The following CNTN5 variants were observed in gnomAD, a reference collection of about 807,000 sequenced individuals.
CNTN5 encodes the protein contactin-5.
A neutral mutation model predicts 129.1 loss-of-function variants in CNTN5; 77 were observed. The observed-to-expected ratio is 0.60, with a 90% CI of 0.50 to 0.72. The LOEUF is 0.72. CNTN5 is among the 30% of genes least tolerant of loss of function. The pLI is 0.00. For synonymous variants in CNTN5, 509 were observed against 465.6 expected (o/e 1.09, Z -1.20); for missense variants, 1,478 against 1,328.8 (o/e 1.11, Z -1.75).
At chr11:99,036,932 C>T (rs1205445049) in intron 1 of CNTN5, among the ~76,000 whole-genome samples, 8 of 152,120 alleles carry the variant, frequency 5.3e-5, no homozygotes, top group Non-Finnish European at 8.8e-5. Flanking sequence ...CAGAAACAAA[C>T]CCATAGCAGC....
At chr11:99,412,932 C>T (rs925922134) in intron 2 of CNTN5, among the ~76,000 whole-genome samples, 1 of 152,062 alleles carries the variant, frequency 6.6e-6, no homozygotes, top group African/African-American at 2.4e-5. Context: ...GTTTTATTAC[C>T]AGAGTACATC....
At chr11:99,874,872 C>T (rs573141214) in intron 6 of CNTN5, among the ~76,000 whole-genome samples, 4 of 152,080 alleles carry the variant, frequency 2.6e-5, no homozygotes, top group African/African-American at 4.8e-5. Context: ...CCATGGGAGT[C>T]CCTTCAAGTA....
At chr11:99,787,317 A>C (rs1298707299) in intron 3 of CNTN5, among the ~76,000 whole-genome samples, 1 of 151,686 alleles carries the variant, frequency 6.6e-6, no homozygotes, top group African/African-American at 2.4e-5. Context: ...ATCATTTAAG[A>C]GACAGTGATC....
chr11:99,918,076 C>A (rs1949840703), intron 7 of CNTN5, among the ~76,000 whole-genome samples: 1 of 152,106 alleles, frequency 6.6e-6, no homozygotes, highest in South Asian at 2.1e-4. Flanking sequence ...ACCCTGATTG[C>A]AGGAGTCCTT....
intron 1 of CNTN5, among the ~76,000 whole-genome samples, chr11:99,237,613 G>A (rs1009443123): frequency 1.3e-5 from 2 of 152,034 alleles, no homozygotes; most frequent in African/African-American, 2.4e-5. Context: ...CCCGGGAGGC[G>A]GAGGTTGCAG....
At chr11:99,976,350 C>T (rs1937972105) in intron 8 of CNTN5, among the ~76,000 whole-genome samples, 1 of 152,194 alleles carries the variant, frequency 6.6e-6, no homozygotes, top group Non-Finnish European at 1.5e-5. Context: ...GATGATGGGC[C>T]TCATCTCAAA....
intron 4 of CNTN5, among the ~76,000 whole-genome samples, chr11:99,839,384 G>A (rs1947406621): frequency 6.6e-6 from 1 of 152,054 alleles, no homozygotes; most frequent in Admixed American, 6.6e-5. Flanking sequence ...AGGAGGCAGT[G>A]AAATAAGAAC....
intron 2 of CNTN5, among the ~76,000 whole-genome samples, chr11:99,484,727 T>C (rs1416190977): frequency 2.0e-5 from 3 of 151,640 alleles, no homozygotes; most frequent in South Asian, 2.1e-4. Context: ...GGTGAAATAA[T>C]CATTCTCTGT....
intron 2 of CNTN5, among the ~76,000 whole-genome samples, chr11:99,418,560 T>C (rs1454706122): frequency 6.6e-6 from 1 of 152,204 alleles, no homozygotes; most frequent in East Asian, 1.9e-4. Context: ...TTAGCTAAAA[T>C]TACTTTTCTT....
chr11:99,954,751 A>G (rs779974800), intron 7 of CNTN5, among the ~76,000 whole-genome samples: 2 of 152,184 alleles, frequency 1.3e-5, no homozygotes, highest in Non-Finnish European at 2.9e-5. Context: ...CATTTTTGGC[A>G]CTGGCAGAAA....
intron 2 of CNTN5, among the ~76,000 whole-genome samples, chr11:99,522,323 A>G (rs1226394146): frequency 6.6e-6 from 1 of 152,184 alleles, no homozygotes; most frequent in Non-Finnish European, 1.5e-5. Context: ...TTACCAAATT[A>G]CTGAATTTTC....
intron 18 of CNTN5, among the ~76,000 whole-genome samples, chr11:100,284,831 T>C (rs1950731508): frequency 6.6e-6 from 1 of 152,224 alleles, no homozygotes; most frequent in South Asian, 2.1e-4. Flanking sequence ...TATACACACA[T>C]GAATAAATAT....
In CNTN5 at chr11:99,845,150, C is replaced by A. The variant is rs747847108; in HGVS notation, c.465C>A (p.Gly155=). 13 of 1,613,712 alleles carry A rather than the reference C, an allele frequency of 8.1e-6. No individual in the cohort carries two copies. Among genetic ancestry groups the A allele is most frequent in the Non-Finnish European group, 1.1e-5 (13 of 1,179,808 alleles). Reference sequence around the variant, plus strand: ...ATTATCGCTACAGTTTGATAGATGGCACCTTCATTATAAGCAATCCAAGTG... The same window carrying A: ...ATTATCGCTACAGTTTGATAGATGGAACCTTCATTATAAGCAATCCAAGTG... The part of the protein sequence containing the change: ...ESDYRYSLID[G]TFIISNPSEA... Residue 155 remains glycine, a synonymous_variant, in exon 6 of 25, where the codon GGC becomes GGA. Transcript: ENST00000524871.
intron 3 of CNTN5, among the ~76,000 whole-genome samples, chr11:99,680,908 G>C (rs1003733628): frequency 6.6e-6 from 1 of 151,872 alleles, no homozygotes; most frequent in African/African-American, 2.4e-5. Context: ...CACCACTCTA[G>C]ATGCCATTAA....
chr11:100,026,385 G>A (rs1001981715), intron 9 of CNTN5, among the ~76,000 whole-genome samples: 6 of 152,042 alleles, frequency 3.9e-5, no homozygotes, highest in African/African-American at 1.4e-4. Flanking sequence ...TTATAGCACT[G>A]TGAGAATGGA....
intron 3 of CNTN5, among the ~76,000 whole-genome samples, chr11:99,668,164 G>T (rs1361967897): frequency 6.6e-6 from 1 of 152,066 alleles, no homozygotes; most frequent in Non-Finnish European, 1.5e-5. Context: ...AGATAAAGTT[G>T]CCAAGCTTGG....
chr11:99,623,255 A>T (rs1210778048), intron 3 of CNTN5, among the ~76,000 whole-genome samples: 1 of 152,120 alleles, frequency 6.6e-6, no homozygotes, highest in Non-Finnish European at 1.5e-5. Flanking sequence ...GCCACAAATT[A>T]TGTGGGGAGT....
intron 1 of CNTN5, among the ~76,000 whole-genome samples, chr11:99,085,452 T>G (rs546546923): frequency 1.0e-3 from 155 of 152,286 alleles, no homozygotes; most frequent in Admixed American, 5.4e-3. Context: ...TTTGGAATTA[T>G]CATAATAAAA....
chr11:100,038,828 T>C (rs1234177306), intron 9 of CNTN5, among the ~76,000 whole-genome samples: 1 of 152,204 alleles, frequency 6.6e-6, no homozygotes, highest in Non-Finnish European at 1.5e-5. Context: ...TTGATACATC[T>C]TCCTCTATCC....
Sources: allele counts gnomAD v4.1 joint callset (sites outside exome capture counted in the v4.1 genomes callset), GRCh38; gene constraint gnomAD v4.1.1; transcripts MANE v1.5; gene names NCBI Gene and HGNC (gene_info 2026-07-23, HGNC 2026-07-21).